Variants in CD101 observed in about 807,000 individuals in gnomAD.
CD101 encodes the protein immunoglobulin superfamily member 2.
Under a neutral mutation model 98.2 loss-of-function variants are expected in CD101, and 76 were observed. The observed-to-expected ratio is 0.77, with a 90% CI of 0.64 to 0.94. The LOEUF (loss-of-function observed/expected upper bound fraction) is 0.94, where lower values mean the gene tolerates loss of function less well. CD101 is among the 40% of genes least tolerant of loss of function. The pLI is 0.00. For synonymous variants in CD101, 471 were observed against 472.7 expected (o/e 1.00, Z 0.05); for missense variants, 1,145 against 1,218.8 (o/e 0.94, Z 0.90).
intron 1 of CD101, among the ~76,000 whole-genome samples, chr1:117,002,816 ATCTT>A (rs1043809306): frequency 6.6e-6 from 1 of 152,258 alleles, no homozygotes; most frequent in Non-Finnish European, 1.5e-5. Context: ...ATTTCAATAT[ATCTT>A]AAGTAGTTGT....
chr1:117,028,058 C>G (rs1654074671), intron 8 of CD101, among the ~76,000 whole-genome samples: 2 of 151,216 alleles, frequency 1.3e-5, no homozygotes, highest in Admixed American at 1.3e-4. Flanking sequence ...GCACTCCAGC[C>G]TGGGCAACAA....
chr1:117,005,847 C>A lies in CD101; in HGVS notation c.43+3987C>A, dbSNP rs1423257009. 1.3e-5 allele frequency among the ~76,000 whole-genome samples: 2 copies of A among 151,996 alleles called. No individual in the cohort carries two copies. The highest frequency in any genetic ancestry group is 4.8e-5 in the African/African-American group (2 of 41,364). ...CTGGCTCAAATCCTAGGAGTTTTTA[C>A]ATAACTAAATATGGGAATATCACAG... On this transcript the variant is annotated intron_variant, in intron 1 of 9. Coordinates refer to ENST00000682167, the MANE Select transcript of CD101 (RefSeq NM_001256106.3). This position sits in a 1 kb window ranked among gnomAD's most constrained non-coding sequence, Gnocchi z 4.4.
rs1653392396 is a variant in CD101, at chr1:117,018,558, C to T, written c.2015C>T (p.Pro672Leu). ...SHPLRIAVTLPESKLKVNSRS... is the reference protein window; with the variant it reads ...SHPLRIAVTLLESKLKVNSRS... ...CCACTGAGGATAGCCGTCACTTTAC[C>T]AGGTAAGTGTGACTTGAAATTAATC... is the stretch of plus-strand genomic sequence containing the variant. Residue 672 changes from proline to leucine, a missense_variant and splice_region_variant, in exon 6 of 10, where the codon CCA (proline) becomes CTA (leucine). Physicochemically the swap from Pro to Leu is moderately conservative, Grantham distance 98. Coordinates refer to ENST00000682167, the MANE Select transcript of CD101 (RefSeq NM_001256106.3). The surrounding 1 kb of genome is among the most constrained non-coding windows in gnomAD (Gnocchi z 4.3). The T allele has an allele frequency of 1.9e-6, 3 of 1,566,216 alleles. No individual in the cohort carries two copies. Among genetic ancestry groups the T allele is most frequent in the Admixed American group, 2.0e-5 (1 of 50,828 alleles).
chr1:117,022,249 G>A lies in CD101; in HGVS notation c.2428+266G>A, dbSNP rs530145872. On this transcript the variant is annotated intron_variant, in intron 7 of 9. Coordinates refer to ENST00000682167, the MANE Select transcript of CD101 (RefSeq NM_001256106.3). This position sits in a 1 kb window ranked among gnomAD's most constrained non-coding sequence, Gnocchi z 4.8. ...GCTTCTCAACCTGGCAGCCTGGTCT[G>A]TGCAGCTACCCAGGGTATCGTATCT... Among the ~76,000 whole-genome samples, 1 of 152,314 alleles carries A rather than the reference G, an allele frequency of 6.6e-6. No individual in the cohort carries two copies. The highest frequency in any genetic ancestry group is 2.4e-5 in the African/African-American group (1 of 41,574).
intron 4 of CD101, among the ~76,000 whole-genome samples, chr1:117,016,889 T>C (rs1653251610): frequency 6.6e-6 from 1 of 152,166 alleles, no homozygotes; most frequent in Non-Finnish European, 1.5e-5. Flanking sequence ...GGTGAATACA[T>C]CCTCCGATAT....
intron 4 of CD101, among the ~76,000 whole-genome samples, chr1:117,016,538 C>T (rs1653228610): frequency 1.3e-5 from 2 of 152,158 alleles, no homozygotes; most frequent in South Asian, 4.1e-4. Context: ...ATTTAACAAA[C>T]AAATAAGAAA....
Position 117,017,114 on chromosome 1 carries a change from A to T in CD101, c.1253A>T (p.Lys418Met), listed in dbSNP as rs1332566003. Residue 418 changes from lysine (K) to methionine (M), a missense_variant, in exon 5 of 10, where the codon AAG (lysine) becomes ATG (methionine). Lys to Met is a moderately conservative substitution (Grantham distance 95). Transcript: ENST00000682167. ...GCAAGAAGTGTGGTCATGTCTACCA[A>T]GAACAAGCAGCAAGTTGTGTGGGAA... Reference protein sequence around the residue: ...PAARSVVMSTKNKQQVVWEGE... With the variant: ...PAARSVVMSTMNKQQVVWEGE... 2 of 1,614,006 alleles carry T rather than the reference A, an allele frequency of 1.2e-6. No individual in the cohort carries two copies. Among genetic ancestry groups the T allele is most frequent in the African/African-American group, 1.3e-5 (1 of 74,946 alleles).
chr1:117,023,441 G>A lies in CD101; in HGVS notation c.2428+1458G>A, dbSNP rs745890280. On this transcript the variant is annotated intron_variant, in intron 7 of 9. Coordinates refer to ENST00000682167, the MANE Select transcript of CD101 (RefSeq NM_001256106.3). The surrounding 1 kb of genome is among the most constrained non-coding windows in gnomAD (Gnocchi z 4.4). ...TTCTTCTTTTTCTTTTTTTTTAGAC[G>A]GAGTCTTGCTCTGTTGCTCAGGCTG... Among the ~76,000 whole-genome samples the A allele has an allele frequency of 3.3e-5, 5 of 151,248 alleles. No individual in the cohort carries two copies. The highest frequency in any genetic ancestry group is 6.6e-5 in the Admixed American group (1 of 15,184).
chr1:117,021,499 T>C lies in CD101; in HGVS notation c.2018-74T>C. On this transcript the variant is annotated intron_variant, in intron 6 of 9. Transcript: ENST00000682167. The surrounding 1 kb of genome is among the most constrained non-coding windows in gnomAD (Gnocchi z 4.7). ...ATGGCGGGAGGATGCAGTGTCATAC[T>C]TGACCTCTAATGTCTCTACTACCTT... 7.7e-7 allele frequency: 1 copy of C among 1,299,828 alleles called. No individual in the cohort carries two copies. Among genetic ancestry groups the C allele is most frequent in the South Asian group, 1.5e-5 (1 of 65,410 alleles). The allele number at this position is 1,299,828 out of a possible 1,614,324, so 80.5% of individuals were successfully genotyped here.
In CD101 at chr1:117,011,731, C is replaced by T. The variant is rs375722400; in HGVS notation, c.606C>T (p.Ser202=). 5.5e-5 allele frequency: 88 copies of T among 1,614,072 alleles called. No individual in the cohort carries two copies. The African/African-American group carries it at 1.1e-3, about 20-fold the overall frequency. Reference sequence around the variant, plus strand: ...AAGCCACTGAGATTATTTCTCTCTCCAAAGATTTTATATTGGTCCCTGGGC... The same window carrying T: ...AAGCCACTGAGATTATTTCTCTCTCTAAAGATTTTATATTGGTCCCTGGGC... ...GSQATEIISL[S]KDFILVPGPL... Residue 202 remains serine (S), a synonymous_variant, in exon 3 of 10, where the codon TCC becomes TCT. Coordinates refer to ENST00000682167, the MANE Select transcript of CD101 (RefSeq NM_001256106.3).
chr1:117,025,835 C>A lies in CD101; in HGVS notation c.2755C>A (p.His919Asn), dbSNP rs751482237. Reference sequence around the variant, plus strand: ...GGTGGCAGAGTGGCAGCTCCATGGACACCCAAGCAAGTGGATTAATCAAGC... The same window carrying A: ...GGTGGCAGAGTGGCAGCTCCATGGAAACCCAAGCAAGTGGATTAATCAAGC... ...CRVAEWQLHG[H>N]PSKWINQASD... is the part of the protein sequence containing the mutation. Residue 919 changes from histidine to asparagine, a missense_variant, in exon 8 of 10, where the codon CAC (histidine) becomes AAC (asparagine). By Grantham distance (68) the His-to-Asn change is moderately conservative. Coordinates refer to ENST00000682167, the MANE Select transcript of CD101 (RefSeq NM_001256106.3). The A allele has an allele frequency of 1.9e-6, 3 of 1,614,120 alleles. No individual in the cohort carries two copies. The highest frequency in any genetic ancestry group is 2.5e-6 in the Non-Finnish European group (3 of 1,179,994).
At position 117,004,147 on chromosome 1, in the gene CD101, G is replaced by T. The variant is rs192586995; in HGVS notation, c.43+2287G>T. ...CCTACAAATAATGGCCATTAATATG[G>T]CAGGGTTTGGGGGAAGGGCTATTGT... is the stretch of plus-strand genomic sequence containing the variant. On this transcript the variant is annotated intron_variant, in intron 1 of 9. Coordinates refer to ENST00000682167, the MANE Select transcript of CD101 (RefSeq NM_001256106.3). This position sits in a 1 kb window ranked among gnomAD's most constrained non-coding sequence, Gnocchi z 4.1. Among the ~76,000 whole-genome samples, 17 of 152,216 alleles carry T rather than the reference G, an allele frequency of 1.1e-4. No homozygotes were observed. The East Asian group carries it at 3.3e-3, about 29-fold the overall frequency.
At chr1:117,001,979 G>A in intron 1 of CD101, 119 bp downstream of exon 1, 1 of 926,872 alleles carries the variant, frequency 1.1e-6, no homozygotes, top group East Asian at 2.6e-5. Flanking sequence ...TATTTCTGAT[G>A]TTAGCAATAA....
Position 117,017,210 on chromosome 1 carries a change from T to C in CD101, c.1349T>C (p.Ile450Thr). 6.2e-7 allele frequency: 1 copy of C among 1,614,118 alleles called. No homozygotes were observed. The highest frequency in any genetic ancestry group is 8.5e-7 in the Non-Finnish European group (1 of 1,180,012). The change falls in exon 5 of 10, where the codon ATC becomes ACC. Residue 450 changes from isoleucine (I) to threonine (T), a missense_variant. Coordinates refer to ENST00000682167, the MANE Select transcript of CD101 (RefSeq NM_001256106.3). Reference protein sequence around the residue: ...ESPLSVSWWHIPRDQTQPEFV... With the variant: ...ESPLSVSWWHTPRDQTQPEFV... ...CCCCTGTCTGTGAGCTGGTGGCACA[T>C]CCCACGGGACCAGACACAGCCCGAG... is the stretch of plus-strand genomic sequence containing the variant.
Position 117,021,546 on chromosome 1 carries a change from G to A in CD101, c.2018-27G>A, listed in dbSNP as rs1028905889. 1 of 1,536,712 alleles carries A rather than the reference G, an allele frequency of 6.5e-7. No homozygotes were observed. Among genetic ancestry groups the A allele is most frequent in the Non-Finnish European group, 8.7e-7 (1 of 1,146,848 alleles). ...CCTTAACTTTCTATTTCATAGCAAA[G>A]TAACTGTTTCATTTTTTTAAATTTA... On this transcript the variant is annotated intron_variant, in intron 6 of 9. Transcript: ENST00000682167. This position sits in a 1 kb window ranked among gnomAD's most constrained non-coding sequence, Gnocchi z 4.7.
Position 117,002,935 on chromosome 1 carries a change from A to G in CD101, c.43+1075A>G, listed in dbSNP as rs556557903. Among the ~76,000 whole-genome samples, 8 of 152,328 alleles carry G rather than the reference A, an allele frequency of 5.3e-5. No homozygotes were observed. In the East Asian group the frequency reaches 1.3e-3, roughly 26 times the overall value. On this transcript the variant is annotated intron_variant, in intron 1 of 9. Coordinates refer to ENST00000682167, the MANE Select transcript of CD101 (RefSeq NM_001256106.3). ...AAATAAAGATGTAAGATTATTTTTC[A>G]CCCTAGTTTATGGACCCTTTAATCC...
intron 8 of CD101, among the ~76,000 whole-genome samples, chr1:117,028,183 A>C (rs1409093835): frequency 6.6e-6 from 1 of 152,224 alleles, no homozygotes; most frequent in Non-Finnish European, 1.5e-5. Context: ...GTGGAAACCC[A>C]ACTGGGGAAA....
At chr1:117,024,202 C>T (rs188182582) in intron 7 of CD101, among the ~76,000 whole-genome samples, 1 of 152,324 alleles carries the variant, frequency 6.6e-6, no homozygotes, top group East Asian at 1.9e-4. Flanking sequence ...TTGAGTCAGG[C>T]ACAGTGGCTC....
chr1:117,025,448 A>G, intron 7 of CD101, 61 bp from the exon 8 acceptor site: 2 of 1,410,328 alleles, frequency 1.4e-6, no homozygotes, highest in Non-Finnish European at 1.9e-6. Flanking sequence ...TAGATTTTTC[A>G]GAGGTGGTAT....
Sources: gnomAD v4.1 joint callset for allele counts (sites outside exome capture counted in the v4.1 genomes callset) on GRCh38, gnomAD v4.1.1 for gene constraint, Gnocchi (gnomAD v3.1) non-coding constraint, MANE v1.5 for transcripts, NCBI Gene and HGNC (gene_info 2026-07-23, HGNC 2026-07-21) for gene names.